The following CCSER1 variants were observed in gnomAD, a reference collection of about 807,000 sequenced individuals.
CCSER1 encodes serine-rich coiled-coil domain-containing protein 1.
CCSER1 carries 41 observed loss-of-function variants against 82.0 expected under a neutral mutation model. The observed-to-expected ratio is 0.50, with a 90% CI of 0.39 to 0.65. The LOEUF (loss-of-function observed/expected upper bound fraction) is 0.65, where lower values mean the gene tolerates loss of function less well. CCSER1 is among the 30% of genes least tolerant of loss of function. The pLI is 0.00. For missense variants in CCSER1, 1,119 were observed against 1,064.2 expected, an observed-to-expected ratio of 1.05 and a Z score of -0.72; for synonymous variants, 414 against 383.9, an observed-to-expected ratio of 1.08 and a Z score of -0.92.
chr4:90,962,950 C>A (rs2150379481), intron 9 of CCSER1, among the ~76,000 whole-genome samples: 1 of 151,848 alleles, frequency 6.6e-6, no homozygotes, highest in East Asian at 1.9e-4. Context: ...CAAATTAGAA[C>A]ATGGATTTAG....
chr4:91,108,059 G>A (rs1047999817), intron 10 of CCSER1: 1 of 152,200 alleles, frequency 6.6e-6, no homozygotes, highest in East Asian at 1.9e-4. Flanking sequence ...TCAGTGAAGT[G>A]AGGTGAAAGT....
chr4:91,490,274 A>T (rs1314972467), intron 10 of CCSER1, among the ~76,000 whole-genome samples: 1 of 152,214 alleles, frequency 6.6e-6, no homozygotes, highest in African/African-American at 2.4e-5. Context: ...CAGTATATGG[A>T]AGAGATATCT....
chr4:90,596,975 A>G (rs956109684), intron 5 of CCSER1, among the ~76,000 whole-genome samples: 3 of 151,962 alleles, frequency 2.0e-5, no homozygotes, highest in African/African-American at 7.2e-5. Flanking sequence ...CTTACAGCTA[A>G]AGAGTTTTCA....
intron 6 of CCSER1, among the ~76,000 whole-genome samples, chr4:90,718,926 G>A (rs965865111): frequency 1.3e-5 from 2 of 152,002 alleles, no homozygotes; most frequent in Admixed American, 6.5e-5. Flanking sequence ...AACCATCATT[G>A]GTGCATTACT....
At chr4:90,622,257 G>A (rs1188997787) in intron 5 of CCSER1, among the ~76,000 whole-genome samples, 2 of 151,534 alleles carry the variant, frequency 1.3e-5, no homozygotes, top group African/African-American at 4.9e-5. Context: ...TTTCTCTGGC[G>A]ACCTGATGTT....
intron 10 of CCSER1, among the ~76,000 whole-genome samples, chr4:91,332,202 ATTAT>A (rs1483869372): frequency 1.3e-5 from 2 of 151,992 alleles, no homozygotes; most frequent in Non-Finnish European, 2.9e-5. Flanking sequence ...AAATAATATA[ATTAT>A]TTATAGCATA....
intron 1 of CCSER1, among the ~76,000 whole-genome samples, chr4:90,245,938 G>A (rs1395889511): frequency 2.6e-5 from 4 of 152,046 alleles, no homozygotes; most frequent in Non-Finnish European, 5.9e-5. Flanking sequence ...TTCTCCTTAG[G>A]GAATAACTAT....
intron 10 of CCSER1, among the ~76,000 whole-genome samples, chr4:91,101,628 C>T (rs934283940): frequency 4.8e-3 from 224 of 46,398 alleles, no homozygotes; most frequent in African/African-American, 0.017. Flanking sequence ...AGCAAGACTC[C>T]GTCTCAAAAA....
chr4:90,276,255 C>CTTTCTTTCTTTCTTTGT (rs1560929917), intron 1 of CCSER1, among the ~76,000 whole-genome samples: 3 of 52,802 alleles, frequency 5.7e-5, no homozygotes, highest in African/African-American at 2.2e-4. Flanking sequence ...TCTTTCTTTC[C>CTTTCTTTCTTTCTTTGT]TTCCTTCCTT....
intron 8 of CCSER1, among the ~76,000 whole-genome samples, chr4:90,829,365 G>A (rs529422972): frequency 8.7e-4 from 133 of 152,216 alleles, no homozygotes; most frequent in Non-Finnish European, 1.5e-3. Context: ...ATAGAAAATA[G>A]CTATGGGTAG....
At chr4:90,449,472 T>A (rs557163799) in intron 4 of CCSER1, among the ~76,000 whole-genome samples, 13 of 152,184 alleles carry the variant, frequency 8.5e-5, no homozygotes, top group Non-Finnish European at 1.6e-4. Context: ...CAGGAGCCTG[T>A]CTTCCTCCTG....
chr4:91,277,512 G>T (rs1195711347), intron 10 of CCSER1, among the ~76,000 whole-genome samples: 4 of 121,694 alleles, frequency 3.3e-5, no homozygotes, highest in East Asian at 2.6e-4. Flanking sequence ...TGTTATTGTG[G>T]TATCCATTTT....
intron 1 of CCSER1, among the ~76,000 whole-genome samples, chr4:90,206,922 T>C (rs564796877): frequency 1.1e-4 from 16 of 152,086 alleles, no homozygotes; most frequent in Non-Finnish European, 2.2e-4. Flanking sequence ...TTGATCCCTT[T>C]ACCGTTATTT....
At chr4:91,171,401 G>C (rs139477861) in intron 10 of CCSER1, among the ~76,000 whole-genome samples, 56 of 152,276 alleles carry the variant, frequency 3.7e-4, no homozygotes, top group African/African-American at 1.3e-3. Flanking sequence ...GGTTTCTCTT[G>C]AGTAGTCTAG....
At chr4:90,207,323 G>T (rs1358256968) in intron 1 of CCSER1, among the ~76,000 whole-genome samples, 3 of 152,140 alleles carry the variant, frequency 2.0e-5, no homozygotes, top group Non-Finnish European at 4.4e-5. Context: ...AAATTCTCAT[G>T]CTGTGTTTTT....
At chr4:91,136,074 A>G (rs1214750816) in intron 10 of CCSER1, among the ~76,000 whole-genome samples, 1 of 152,096 alleles carries the variant, frequency 6.6e-6, no homozygotes, top group Non-Finnish European at 1.5e-5. Flanking sequence ...TAGTTTCCAA[A>G]TCCTTATTTT....
intron 10 of CCSER1, among the ~76,000 whole-genome samples, chr4:91,541,628 T>G (rs960294035): frequency 2.0e-5 from 3 of 152,206 alleles, no homozygotes; most frequent in Admixed American, 6.5e-5. Flanking sequence ...AGTCTATCAC[T>G]GATGGACATT....
chr4:91,070,137 A>C (rs1484348699), intron 9 of CCSER1, among the ~76,000 whole-genome samples: 2 of 151,916 alleles, frequency 1.3e-5, no homozygotes, highest in Non-Finnish European at 2.9e-5. Flanking sequence ...GGTGCCCACC[A>C]CCACACCTGG....
At position 91,353,605 on chromosome 4, in the gene CCSER1, C is replaced by T. The variant is rs143319813; in HGVS notation, c.2218-244967C>T. Reference sequence around the variant, plus strand: ...GGTCTCTCTCTTTCCTCCTTTCCCCCCTTTGAGACTCTCACTTTTTATTAG... The same window carrying T: ...GGTCTCTCTCTTTCCTCCTTTCCCCTCTTTGAGACTCTCACTTTTTATTAG... On this transcript the variant is annotated intron_variant, in intron 10 of 10. Transcript: ENST00000509176. 2.1e-3 allele frequency among the ~76,000 whole-genome samples: 317 copies of T among 152,254 alleles called. 1 individual carries two copies. Among genetic ancestry groups the T allele is most frequent in the African/African-American group, 7.0e-3 (289 of 41,542 alleles).
Sources: allele counts gnomAD v4.1 joint callset (sites outside exome capture counted in the v4.1 genomes callset), GRCh38; gene constraint gnomAD v4.1.1; transcripts MANE v1.5; gene names NCBI Gene and HGNC (gene_info 2026-07-23, HGNC 2026-07-21).